The following ATF2 variants were observed in gnomAD, a reference collection of about 807,000 sequenced individuals.
ATF2 encodes the protein activating transcription factor 2.
A neutral mutation model predicts 60.6 loss-of-function variants in ATF2; 24 were observed. That is an observed-to-expected ratio of 0.40 (90% CI 0.29 to 0.56). ATF2 has a LOEUF of 0.56. Among genes scored for constraint, ATF2 ranks in the 20% least tolerant of loss-of-function variants. The pLI is 0.54. For missense variants in ATF2, 433 were observed against 607.7 expected, an observed-to-expected ratio of 0.71 and a Z score of 3.02; for synonymous variants, 206 against 215.4, an observed-to-expected ratio of 0.96 and a Z score of 0.38.
At chr2:175,125,686 T>C (rs1045015552) in intron 4 of ATF2, among the ~76,000 whole-genome samples, 4 of 152,138 alleles carry the variant, frequency 2.6e-5, no homozygotes, top group Non-Finnish European at 4.4e-5. Context: ...ATTAAAAGTT[T>C]ATAATAGTGG....
intron 5 of ATF2, among the ~76,000 whole-genome samples, chr2:175,118,576 A>G (rs1696742646): frequency 6.6e-6 from 1 of 151,738 alleles, no homozygotes. Context: ...ATGAAATATG[A>G]AAGTAGGAAA....
chr2:175,133,122 C>A (rs1241587275), intron 3 of ATF2, among the ~76,000 whole-genome samples: 1 of 151,704 alleles, frequency 6.6e-6, no homozygotes, highest in East Asian at 1.9e-4. Flanking sequence ...AAAATAAATC[C>A]CAGTGCTTTT....
At position 175,114,754 on chromosome 2, in the gene ATF2, C is replaced by A. The variant is rs751413115; in HGVS notation, c.562G>T (p.Ala188Ser). 6.2e-7 allele frequency: 1 copy of A among 1,613,846 alleles called. No homozygotes were observed. The highest frequency in any genetic ancestry group is 8.5e-7 in the Non-Finnish European group (1 of 1,179,910). ...GTACTTGAGGTTGGTGAAGGTACTG[C>A]CTGCTGAATAATTACACTTGAGTCA... ...SSDSSVIIQQ[A>S]VPSPTSSTVI... The change falls in exon 8 of 14, where the codon GCA becomes TCA. Residue 188 changes from alanine (A) to serine (S), a missense_variant. By Grantham distance (99) the Ala-to-Ser change is moderately conservative. Coordinates refer to ENST00000264110, the MANE Select transcript of ATF2 (RefSeq NM_001880.4).
intron 1 of ATF2, among the ~76,000 whole-genome samples, chr2:175,166,090 T>C (rs1700332474): frequency 6.6e-6 from 1 of 152,200 alleles, no homozygotes; most frequent in Non-Finnish European, 1.5e-5. Context: ...TCGGATAAGA[T>C]ATTTTAAAAA....
At chr2:175,140,381 ACAGT>A (rs1341168974) in intron 2 of ATF2, among the ~76,000 whole-genome samples, 5 of 152,248 alleles carry the variant, frequency 3.3e-5, no homozygotes, top group African/African-American at 4.8e-5. Flanking sequence ...GTGAAAGCAG[ACAGT>A]CAAAGAAATT....
chr2:175,144,634 C>G (rs1432496440), intron 2 of ATF2, among the ~76,000 whole-genome samples: 1 of 152,172 alleles, frequency 6.6e-6, no homozygotes, highest in Non-Finnish European at 1.5e-5. Context: ...ACTGCAGTGT[C>G]TGAGTCTAAG....
chr2:175,161,169 A>T (rs1039319877), intron 1 of ATF2, among the ~76,000 whole-genome samples: 1 of 152,236 alleles, frequency 6.6e-6, no homozygotes, highest in African/African-American at 2.4e-5. Flanking sequence ...GGAACAAAAA[A>T]ATATGAGACA....
intron 12 of ATF2, among the ~76,000 whole-genome samples, chr2:175,090,044 A>G (rs1219233384): frequency 6.6e-6 from 1 of 152,186 alleles, no homozygotes; most frequent in African/African-American, 2.4e-5. Context: ...TGAGATTCAT[A>G]TAACATAAAG....
At chr2:175,127,949 T>C (rs1219330963) in intron 4 of ATF2, among the ~76,000 whole-genome samples, 2 of 152,098 alleles carry the variant, frequency 1.3e-5, no homozygotes, top group Non-Finnish European at 2.9e-5. Flanking sequence ...AAAAATATCT[T>C]GAAAAATGAG....
At chr2:175,100,496 TC>T (rs1411842956) in intron 10 of ATF2, among the ~76,000 whole-genome samples, 1 of 152,186 alleles carries the variant, frequency 6.6e-6, no homozygotes, top group Admixed American at 6.5e-5. Flanking sequence ...AAGACTCTCC[TC>T]CCCATCTAAT....
chr2:175,108,618 C>T (rs568717974), intron 10 of ATF2, among the ~76,000 whole-genome samples: 145 of 152,194 alleles, frequency 9.5e-4, no homozygotes, highest in African/African-American at 3.3e-3. Flanking sequence ...TCTGCCCGGC[C>T]GCCCCTTCTG....
chr2:175,136,015 G>GTTTTT (rs34199956), intron 3 of ATF2, among the ~76,000 whole-genome samples: 2 of 124,938 alleles, frequency 1.6e-5, no homozygotes, highest in East Asian at 2.4e-4. Context: ...TTCTTTCTTT[G>GTTTTT]TTTTTTTTTT....
At chr2:175,144,345 T>C (rs56005151) in intron 2 of ATF2, among the ~76,000 whole-genome samples, 14,777 of 152,246 alleles carry the variant, frequency 0.097, 804 homozygotes, top group Middle Eastern at 0.17. Flanking sequence ...AGAAATTTTA[T>C]GTAAACCACT....
intron 10 of ATF2, among the ~76,000 whole-genome samples, chr2:175,107,463 A>C (rs1695748893): frequency 6.6e-6 from 1 of 152,182 alleles, no homozygotes. Context: ...AAGTTACATA[A>C]GAATGTGTAT....
chr2:175,092,511 AATG>A (rs1186676338), intron 12 of ATF2: 2 of 314,590 alleles, frequency 6.4e-6, no homozygotes, highest in African/African-American at 4.6e-5. Flanking sequence ...GGCAGTATGA[AATG>A]ATCTGTACTG....
chr2:175,101,922 C>G (rs568609658), intron 10 of ATF2, among the ~76,000 whole-genome samples: 1 of 152,126 alleles, frequency 6.6e-6, no homozygotes, highest in Non-Finnish European at 1.5e-5. Flanking sequence ...AAAACTACAA[C>G]AAAAATGCAC....
At chr2:175,079,938 G>T (rs986316683) in intron 13 of ATF2, among the ~76,000 whole-genome samples, 1 of 152,036 alleles carries the variant, frequency 6.6e-6, no homozygotes, top group East Asian at 1.9e-4. Flanking sequence ...TGTATACTAT[G>T]GACAAAATTG....
chr2:175,136,451 A>G lies in ATF2; in HGVS notation c.-8T>C, dbSNP rs1698148397. 6.2e-7 allele frequency: 1 copy of G among 1,607,266 alleles called. No homozygotes were observed. The highest frequency in any genetic ancestry group is 1.3e-5 in the African/African-American group (1 of 74,862). Reference sequence around the variant, plus strand: ...ATGTAACTTGAATTTCATAAGTTGAATAACTTATCACATTCTTTTTCTCAT... The same window carrying G: ...ATGTAACTTGAATTTCATAAGTTGAGTAACTTATCACATTCTTTTTCTCAT... On this transcript the variant is annotated 5_prime_UTR_variant, in exon 3 of 14. Transcript: ENST00000264110.
intron 10 of ATF2, among the ~76,000 whole-genome samples, chr2:175,107,991 C>T (rs1202882851): frequency 6.6e-6 from 1 of 151,146 alleles, no homozygotes; most frequent in African/African-American, 2.4e-5. Flanking sequence ...GCCGCCACCC[C>T]GTCTGGGAAG....
Sources: allele counts gnomAD v4.1 joint callset (sites outside exome capture counted in the v4.1 genomes callset), GRCh38; gene constraint gnomAD v4.1.1; transcripts MANE v1.5; gene names NCBI Gene and HGNC (gene_info 2026-07-23, HGNC 2026-07-21).